The following ZNF837 variants were observed in gnomAD, a reference collection of about 807,000 sequenced individuals.
ZNF837 encodes the protein zinc finger protein 837.
For synonymous variants in ZNF837, 475 were observed against 365.2 expected (o/e 1.30, Z -3.43); for missense variants, 955 against 801.7 (o/e 1.19, Z -2.31).
intron 1 of ZNF837, among the ~76,000 whole-genome samples, chr19:58,379,893 G>A (rs541429015): frequency 6.6e-6 from 1 of 152,316 alleles, no homozygotes; most frequent in Non-Finnish European, 1.5e-5. Flanking sequence ...TACTCGGGAG[G>A]CTGAGGCTGG....
At chr19:58,376,710 G>A (rs986456768) in intron 1 of ZNF837, among the ~76,000 whole-genome samples, 3 of 151,912 alleles carry the variant, frequency 2.0e-5, no homozygotes, top group Non-Finnish European at 2.9e-5. Context: ...ACCAAGCATA[G>A]TTTCCACATC....
rs538299661 is a variant in ZNF837, at chr19:58,380,109, C to A, written c.-140+832G>T. ...TGCCCAGCTCAGCGTGGCTCCACCT[C>A]TCTGAGCCACAGACCAACCTCACCC... On this transcript the variant is annotated intron_variant, in intron 1 of 2. Coordinates refer to ENST00000597582, the MANE Select transcript of ZNF837 (RefSeq NM_138466.2). Among the ~76,000 whole-genome samples, 219 of 152,294 alleles carry A rather than the reference C, an allele frequency of 1.4e-3. 1 individual carries two copies. The highest frequency in any genetic ancestry group is 2.7e-3 in the Non-Finnish European group (181 of 68,028).
At chr19:58,369,429 C>G (rs2052180195) in intron 2 of ZNF837, 68 bp from the exon 3 acceptor site, 4 of 1,261,818 alleles carry the variant, frequency 3.2e-6, no homozygotes, top group South Asian at 5.5e-5. Flanking sequence ...ACTGGGCCAA[C>G]GAGCGACCAC....
chr19:58,370,640 A>G (rs2148015702), intron 1 of ZNF837, among the ~76,000 whole-genome samples: 1 of 152,326 alleles, frequency 6.6e-6, no homozygotes, highest in South Asian at 2.1e-4. Flanking sequence ...TCACGCCTGT[A>G]ATCCCAGCAC....
In ZNF837 at chr19:58,368,648, G is replaced by C. The variant is rs773961748; in HGVS notation, c.685C>G (p.Arg229Gly). The change falls in exon 3 of 3, where the codon CGG (arginine) becomes GGG (glycine). Residue 229 changes from arginine to glycine, a missense_variant. Physicochemically the swap from Arg to Gly is moderately radical, Grantham distance 125. Coordinates refer to ENST00000597582, the MANE Select transcript of ZNF837 (RefSeq NM_138466.2). ...QATEEPRPCA[R>G]CGKRFRPNQQ... ...TTGGGGCGGAAGCGCTTCCCGCACC[G>C]GGCACACGGACGGGGCTCCTCCGTC... is the stretch of plus-strand genomic sequence containing the variant. 5 of 1,529,510 alleles carry C rather than the reference G, an allele frequency of 3.3e-6. No homozygotes were observed. The highest frequency in any genetic ancestry group is 2.0e-5 in the Admixed American group (1 of 50,496). 94.7% of individuals were successfully genotyped at this position (1,529,510 alleles called of 1,614,324 possible). A position where few individuals can be genotyped will look rare whatever the true frequency, so the allele number is the denominator to read the frequency against.
intron 1 of ZNF837, among the ~76,000 whole-genome samples, chr19:58,379,067 T>TA (rs2052270773): frequency 6.6e-6 from 1 of 152,228 alleles, no homozygotes; most frequent in African/African-American, 2.4e-5. Flanking sequence ...CAGAAACTAA[T>TA]AGAGACTGGT....
Position 58,368,671 on chromosome 19 carries a change from G to A in ZNF837, c.662C>T (p.Thr221Met), listed in dbSNP as rs762237198. The A allele has an allele frequency of 2.0e-6, 3 of 1,529,554 alleles. No homozygotes were observed. The highest frequency in any genetic ancestry group is 2.6e-6 in the Non-Finnish European group (3 of 1,142,718). 94.7% of individuals were successfully genotyped at this position (1,529,554 alleles called of 1,614,324 possible). ...LRIPQERLQA[T>M]EEPRPCARCG... ...CCGGGCACACGGACGGGGCTCCTCC[G>A]TCGCCTGCAGCCTCTCCTGGGGGAT... is the stretch of plus-strand genomic sequence containing the variant. The change falls in exon 3 of 3, where the codon ACG (threonine) becomes ATG (methionine). Residue 221 changes from threonine to methionine, a missense_variant. Coordinates refer to ENST00000597582, the MANE Select transcript of ZNF837 (RefSeq NM_138466.2).
Position 58,367,934 on chromosome 19 carries a change from G to T in ZNF837, c.1399C>A (p.Arg467Ser). The T allele has an allele frequency of 1.3e-6, 2 of 1,533,960 alleles. No individual in the cohort carries two copies. The highest frequency in any genetic ancestry group is 1.2e-5 in the South Asian group (1 of 83,848). Residue 467 changes from arginine (R) to serine (S), a missense_variant, in exon 3 of 3, where the codon CGC becomes AGC. Arg to Ser is a moderately radical substitution (Grantham distance 110). Coordinates refer to ENST00000597582, the MANE Select transcript of ZNF837 (RefSeq NM_138466.2). ...RGCSELRQHERLHSGEKPYIC... is the reference protein window; with the variant it reads ...RGCSELRQHESLHSGEKPYIC... ...TAGGGCTTCTCGCCCGAGTGCAGGCGCTCGTGCTGGCGCAGCTCGGAGCAG... is the reference window on the plus strand; with the variant it reads ...TAGGGCTTCTCGCCCGAGTGCAGGCTCTCGTGCTGGCGCAGCTCGGAGCAG...
At chr19:58,369,532 A>G (rs928854297) in intron 2 of ZNF837, among the ~76,000 whole-genome samples, 171 bp from the exon 3 acceptor site, 1 of 151,932 alleles carries the variant, frequency 6.6e-6, no homozygotes. Context: ...GCCCCTCTTC[A>G]AATTGTCACC....
In ZNF837 at chr19:58,369,093, G is replaced by C. The variant is rs1346012961; in HGVS notation, c.240C>G (p.His80Gln). The C allele has an allele frequency of 3.4e-5, 52 of 1,511,056 alleles. No individual in the cohort carries two copies. The highest frequency in any genetic ancestry group is 4.0e-5 in the Non-Finnish European group (45 of 1,129,834). The allele number at this position is 1,511,056 out of a possible 1,614,324, so 93.6% of individuals were successfully genotyped here. A position where few individuals can be genotyped will look rare whatever the true frequency, so the allele number is the denominator to read the frequency against. The change falls in exon 3 of 3, where the codon CAC becomes CAG. Residue 80 changes from histidine to glutamine, a missense_variant. Transcript: ENST00000597582. ...LGVSPGPGTR[H>Q]SAGTRPLVRE... is the part of the protein sequence containing the mutation. ...GCACGAGGGGTCTGGTCCCGGCGCTGTGCCGGGTCCCCGGGCCGGGGCTCA... is the reference window on the plus strand; with the variant it reads ...GCACGAGGGGTCTGGTCCCGGCGCTCTGCCGGGTCCCCGGGCCGGGGCTCA...
intron 1 of ZNF837, among the ~76,000 whole-genome samples, chr19:58,372,373 A>G (rs1249773929): frequency 6.6e-6 from 1 of 151,932 alleles, no homozygotes; most frequent in Admixed American, 6.6e-5. Flanking sequence ...TCCATTTATT[A>G]AATGTCTCAG....
At chr19:58,375,284 A>G (rs1285557912) in intron 1 of ZNF837, among the ~76,000 whole-genome samples, 1 of 53,158 alleles carries the variant, frequency 1.9e-5, no homozygotes, top group Non-Finnish European at 4.2e-5. Flanking sequence ...ATATATATAT[A>G]TATATATATA....
chr19:58,367,943 G>C lies in ZNF837; in HGVS notation c.1390C>G (p.Gln464Glu), dbSNP rs2052151832. 1 of 1,533,360 alleles carries C rather than the reference G, an allele frequency of 6.5e-7. No individual in the cohort carries two copies. The highest frequency in any genetic ancestry group is 1.4e-5 in the African/African-American group (1 of 72,702). 95.0% of individuals were successfully genotyped at this position (1,533,360 alleles called of 1,614,324 possible). The change falls in exon 3 of 3, where the codon CAG (glutamine) becomes GAG (glutamate). Residue 464 changes from glutamine to glutamate, a missense_variant. By Grantham distance (29) the Gln-to-Glu change is conservative (BLOSUM62 2). Transcript: ENST00000597582. The part of the protein sequence containing the change: ...KTFRGCSELR[Q>E]HERLHSGEKP... ...TCGCCCGAGTGCAGGCGCTCGTGCT[G>C]GCGCAGCTCGGAGCAGCCGCGGAAG... is the stretch of plus-strand genomic sequence containing the variant.
chr19:58,373,837 T>C (rs1158697999), intron 1 of ZNF837, among the ~76,000 whole-genome samples: 1 of 152,228 alleles, frequency 6.6e-6, no homozygotes, highest in Non-Finnish European at 1.5e-5. Flanking sequence ...AAGGGAAGCT[T>C]TCTCCAGAAT....
In ZNF837 at chr19:58,367,857, G is replaced by C. The variant is rs777670424; in HGVS notation, c.1476C>G (p.Arg492=). The C allele has an allele frequency of 4.6e-6, 7 of 1,531,754 alleles. No individual in the cohort carries two copies. The African/African-American group carries it at 5.6e-5, about 12-fold the overall frequency. 94.9% of individuals were successfully genotyped at this position (1,531,754 alleles called of 1,614,324 possible). A position where few individuals can be genotyped will look rare whatever the true frequency, so the allele number is the denominator to read the frequency against. The change falls in exon 3 of 3, where the codon CGC becomes CGG. Residue 492 remains arginine (R), a synonymous_variant. Coordinates refer to ENST00000597582, the MANE Select transcript of ZNF837 (RefSeq NM_138466.2). The part of the protein sequence containing the change: ...KAFVRNCSLV[R]HLRTHTGERP... ...GCTCGCCCGTGTGCGTGCGCAGGTG[G>C]CGCACCAGGCTGCAGTTGCGCACGA...
chr19:58,378,076 C>T (rs936485477), intron 1 of ZNF837, among the ~76,000 whole-genome samples: 1 of 152,208 alleles, frequency 6.6e-6, no homozygotes, highest in Admixed American at 6.5e-5. Flanking sequence ...CTGAAGAGCT[C>T]CTGAGAAAGC....
chr19:58,377,522 C>A (rs907964455), intron 1 of ZNF837, among the ~76,000 whole-genome samples: 4 of 151,984 alleles, frequency 2.6e-5, no homozygotes, highest in African/African-American at 9.7e-5. Context: ...GCCTGTAGCC[C>A]CAGCTGTCAG....
intron 1 of ZNF837, among the ~76,000 whole-genome samples, chr19:58,374,565 T>G (rs1368491105): frequency 4.0e-5 from 6 of 151,630 alleles, no homozygotes. Flanking sequence ...GGGTATCAAG[T>G]TTTGGGGTAA....
chr19:58,375,270 G>GTATATACATA (rs2052233061), intron 1 of ZNF837, among the ~76,000 whole-genome samples: 1 of 34,856 alleles, frequency 2.9e-5, no homozygotes, highest in Non-Finnish European at 7.0e-5. Flanking sequence ...AAAAAAAAAA[G>GTATATACATA]TATATATATA....
Sources: gnomAD v4.1 joint callset for allele counts (sites outside exome capture counted in the v4.1 genomes callset) on GRCh38, gnomAD v4.1.1 for gene constraint, MANE v1.5 for transcripts, NCBI Gene and HGNC (gene_info 2026-07-23, HGNC 2026-07-21) for gene names.